BATF: variants seen among roughly 807,000 people sequenced by gnomAD.
The protein encoded by BATF is basic leucine zipper ATF-like transcription factor, also known as basic leucine zipper transcriptional factor ATF-like.
Under a neutral mutation model 13.7 loss-of-function variants are expected in BATF, and 5 were observed. The ratio of observed to expected loss-of-function variants is 0.36; its 90% CI spans 0.19 to 0.77. The LOEUF (loss-of-function observed/expected upper bound fraction) is 0.77. Among genes scored for constraint, BATF ranks in the 30% least tolerant of loss-of-function variants. The probability of loss-of-function intolerance (pLI) is 0.51; values close to 1 mark genes in which losing one functional copy is unlikely to be tolerated. For synonymous variants in BATF, 72 were observed against 67.5 expected (o/e 1.07, Z -0.33); for missense variants, 124 against 163.0 (o/e 0.76, Z 1.30).
At chr14:75,533,536 G>A (rs1319758881) in intron 2 of BATF, among the ~76,000 whole-genome samples, 1 of 152,008 alleles carries the variant, frequency 6.6e-6, no homozygotes, top group Non-Finnish European at 1.5e-5. Context: ...GCTATTCTCA[G>A]CAGCACCCAG....
At chr14:75,531,141 C>T (rs916786773) in intron 2 of BATF, among the ~76,000 whole-genome samples, 3 of 152,104 alleles carry the variant, frequency 2.0e-5, no homozygotes, top group African/African-American at 4.8e-5. Flanking sequence ...TCAATCTTGA[C>T]GTTATCTTTT....
chr14:75,526,590 G>C (rs1349438954), intron 2 of BATF, among the ~76,000 whole-genome samples: 1 of 152,196 alleles, frequency 6.6e-6, no homozygotes, highest in Non-Finnish European at 1.5e-5. Flanking sequence ...GGGTGCTTGG[G>C]TTTTATTTGA....
intron 2 of BATF, 29 bp downstream of exon 2, chr14:75,525,217 G>C: frequency 6.3e-7 from 1 of 1,599,542 alleles, no homozygotes; most frequent in Non-Finnish European, 8.5e-7. Context: ...CTTCATCCTC[G>C]TGAGCTTTAG....
At chr14:75,545,388 A>ATTTTTTTTTTTTTTTTTT (rs35791450) in intron 2 of BATF, among the ~76,000 whole-genome samples, 2 of 105,216 alleles carry the variant, frequency 1.9e-5, no homozygotes, top group Non-Finnish European at 3.6e-5. Context: ...CGCCTGGTTA[A>ATTTTTTTTTTTTTTTTTT]TTTTTTTTTT....
At position 75,530,447 on chromosome 14, in the gene BATF, A is replaced by C. The variant is rs1055409750; in HGVS notation, c.168+5259A>C. 2.0e-5 allele frequency among the ~76,000 whole-genome samples: 3 copies of C among 152,328 alleles called. No homozygotes were observed. In the East Asian group the frequency reaches 5.8e-4, roughly 29 times the overall value. ...TACATGTAAAGATAATCATTGCTGCATTGTTTCTTATAGGAAAGACTGAAC... is the reference window on the plus strand; with the variant it reads ...TACATGTAAAGATAATCATTGCTGCCTTGTTTCTTATAGGAAAGACTGAAC... On this transcript the variant is annotated intron_variant, in intron 2 of 2. Coordinates refer to ENST00000286639, the MANE Select transcript of BATF (RefSeq NM_006399.5).
intron 2 of BATF, among the ~76,000 whole-genome samples, chr14:75,527,679 G>C (rs1023076366): frequency 3.9e-5 from 6 of 152,124 alleles, no homozygotes; most frequent in African/African-American, 1.4e-4. Flanking sequence ...GTGACATTAG[G>C]GTAATCTCTA....
In BATF at chr14:75,525,068, C is replaced by T. The variant is rs151038299; in HGVS notation, c.64-16C>T. 87 of 1,600,656 alleles carry T rather than the reference C, an allele frequency of 5.4e-5. No homozygotes were observed. The South Asian group carries it at 7.5e-4, about 14-fold the overall frequency. ...AGATGCAGACCCATGTAATCCTCCC[C>T]GTCTCTGCTTCCCAGGACTCATCTG... On this transcript the variant is annotated splice_polypyrimidine_tract_variant and intron_variant, in intron 1 of 2. Transcript: ENST00000286639.
At chr14:75,527,341 G>A (rs1188871346) in intron 2 of BATF, among the ~76,000 whole-genome samples, 9 of 152,164 alleles carry the variant, frequency 5.9e-5, no homozygotes, top group Non-Finnish European at 7.3e-5. Context: ...TTAAAGGCTA[G>A]AAAGTTTAGA....
chr14:75,541,231 T>A (rs1013367238), intron 2 of BATF, among the ~76,000 whole-genome samples: 3 of 152,220 alleles, frequency 2.0e-5, no homozygotes, highest in Non-Finnish European at 4.4e-5. Context: ...GCATCAGGAT[T>A]GCTAAAGCTC....
At chr14:75,541,903 A>T (rs1887902212) in intron 2 of BATF, among the ~76,000 whole-genome samples, 1 of 151,936 alleles carries the variant, frequency 6.6e-6, no homozygotes, top group Non-Finnish European at 1.5e-5. Context: ...ACCTCAAGTG[A>T]TCTGCCCACC....
At chr14:75,536,957 T>C (rs1347011346) in intron 2 of BATF, among the ~76,000 whole-genome samples, 6 of 152,130 alleles carry the variant, frequency 3.9e-5, no homozygotes, top group Admixed American at 3.3e-4. Context: ...ATTTTTTTTT[T>C]ACACTGTTCC....
chr14:75,544,300 C>T (rs1259972307), intron 2 of BATF, among the ~76,000 whole-genome samples: 1 of 151,900 alleles, frequency 6.6e-6, no homozygotes, highest in Non-Finnish European at 1.5e-5. Context: ...CATGGTGGCT[C>T]ACGCCTGTAA....
At chr14:75,535,235 G>C (rs909320170) in intron 2 of BATF, among the ~76,000 whole-genome samples, 3 of 152,084 alleles carry the variant, frequency 2.0e-5, no homozygotes, top group Non-Finnish European at 4.4e-5. Context: ...GTGAGATCCT[G>C]TCTCTACAAA....
At chr14:75,533,230 C>T (rs1395915288) in intron 2 of BATF, among the ~76,000 whole-genome samples, 2 of 151,984 alleles carry the variant, frequency 1.3e-5, no homozygotes, top group Non-Finnish European at 2.9e-5. Context: ...AGACTGAGAC[C>T]ATCCTGGCCA....
intron 2 of BATF, among the ~76,000 whole-genome samples, chr14:75,533,214 G>T (rs1004061484): frequency 2.0e-5 from 3 of 152,024 alleles, no homozygotes; most frequent in Non-Finnish European, 4.4e-5. Flanking sequence ...AGATCATGAG[G>T]TCAGGAGACT....
chr14:75,525,222 C>T (rs957648679), intron 2 of BATF, 34 bp downstream of exon 2: 3 of 1,593,394 alleles, frequency 1.9e-6, no homozygotes, highest in African/African-American at 1.3e-5. Flanking sequence ...TCCTCGTGAG[C>T]TTTAGGCTTT....
intron 2 of BATF, among the ~76,000 whole-genome samples, chr14:75,528,948 G>A (rs1887692258): frequency 6.6e-6 from 1 of 152,164 alleles, no homozygotes; most frequent in Non-Finnish European, 1.5e-5. Context: ...AAATTATGAA[G>A]AGTGTATCCT....
intron 2 of BATF, among the ~76,000 whole-genome samples, chr14:75,534,487 C>T (rs1887790301): frequency 6.6e-6 from 1 of 152,178 alleles, no homozygotes; most frequent in South Asian, 2.1e-4. Flanking sequence ...AACACCCCCT[C>T]ACCCTGCTTA....
rs373979798 is a variant in BATF, at chr14:75,528,895, T to C, written c.168+3707T>C. On this transcript the variant is annotated intron_variant, in intron 2 of 2. Transcript: ENST00000286639. ...ATGGAAGGAAAGATCCTGTTTATAATACCAATGACAACAGCAAATGGAAGG... is the reference window on the plus strand; with the variant it reads ...ATGGAAGGAAAGATCCTGTTTATAACACCAATGACAACAGCAAATGGAAGG... Among the ~76,000 whole-genome samples the C allele has an allele frequency of 1.8e-3, 268 of 152,308 alleles. 4 individuals are homozygous for C. In the South Asian group the frequency reaches 0.045, roughly 25 times the overall value.
Sources: gnomAD v4.1 joint callset for allele counts (sites outside exome capture counted in the v4.1 genomes callset) on GRCh38, gnomAD v4.1.1 for gene constraint, MANE v1.5 for transcripts, NCBI Gene and HGNC (gene_info 2026-07-23, HGNC 2026-07-21) for gene names.